Variants in LPP observed in about 807,000 individuals in gnomAD.
LPP encodes the protein LIM domain containing preferred translocation partner in lipoma.
LPP carries 38 observed loss-of-function variants against 60.4 expected under a neutral mutation model. That is an observed-to-expected ratio of 0.63 (90% CI 0.49 to 0.83). The LOEUF is 0.83. LPP is among the 40% of genes least tolerant of loss of function. The pLI is 0.00. For missense variants in LPP, 902 were observed against 783.6 expected (o/e 1.15, Z -1.80); for synonymous variants, 328 against 290.8 (o/e 1.13, Z -1.30).
rs1395764730 is a variant in LPP at position 188,889,292 on chromosome 3, G to A, written c.*14813G>A. 1.3e-5 allele frequency: 3 copies of A among 231,208 alleles called. No individual in the cohort carries two copies. Among genetic ancestry groups the A allele is most frequent in the Non-Finnish European group, 2.6e-5 (3 of 116,794 alleles). The allele number at this position is 231,208 out of a possible 1,614,324, so 14.3% of individuals were successfully genotyped here. A position where few individuals can be genotyped will look rare whatever the true frequency, so the allele number is the denominator to read the frequency against. On this transcript the variant is annotated 3_prime_UTR_variant, in exon 12 of 12. Transcript: ENST00000617246. ...GAGCAGCAGCATAGCCTAGAGTGAT[G>A]CATTCTTACCCAGAGGTGGCAATAG...
intron 7 of LPP, among the ~76,000 whole-genome samples, chr3:188,615,318 C>T (rs1844641836): frequency 6.6e-6 from 1 of 152,142 alleles, no homozygotes; most frequent in Non-Finnish European, 1.5e-5. Context: ...ATAAAATCTA[C>T]ACATCTAAAA....
chr3:188,672,808 A>G (rs1338205315), intron 7 of LPP, among the ~76,000 whole-genome samples: 1 of 152,188 alleles, frequency 6.6e-6, no homozygotes, highest in Non-Finnish European at 1.5e-5. Flanking sequence ...CTGCCAAGAC[A>G]ATAGTATGTT....
chr3:188,154,291 C>T (rs1207053326), intron 1 of LPP, among the ~76,000 whole-genome samples, 39 bp downstream of exon 1: 1 of 152,084 alleles, frequency 6.6e-6, no homozygotes, highest in Non-Finnish European at 1.5e-5. Flanking sequence ...ACCCTCCACC[C>T]GCGGGCGCCT....
At chr3:188,418,708 T>C (rs949944373) in intron 4 of LPP, among the ~76,000 whole-genome samples, 1 of 152,164 alleles carries the variant, frequency 6.6e-6, no homozygotes, top group Non-Finnish European at 1.5e-5. Context: ...TGCATGGATG[T>C]CTATGATGTA....
At position 188,321,401 on chromosome 3, in the gene LPP, A is replaced by G. The variant is rs142086799; in HGVS notation, c.-66-20262A>G. Among the ~76,000 whole-genome samples, 945 of 152,316 alleles carry G rather than the reference A, an allele frequency of 6.2e-3. 13 individuals carry two copies. The highest frequency in any genetic ancestry group is 0.022 in the African/African-American group (896 of 41,572). On this transcript the variant is annotated intron_variant, in intron 2 of 11. Transcript: ENST00000617246. ...GCTACTAGAAAATTTTAAATGGTGT[A>G]TGTGGCTCCTATGATAATTCTATTG...
chr3:188,859,790 G>C (rs1234968778), intron 9 of LPP, among the ~76,000 whole-genome samples: 1 of 152,164 alleles, frequency 6.6e-6, no homozygotes. Context: ...TTTCATAGCT[G>C]TCATCTTCAG....
At chr3:188,336,359 C>T (rs572603611) in intron 2 of LPP, among the ~76,000 whole-genome samples, 5 of 152,160 alleles carry the variant, frequency 3.3e-5, no homozygotes, top group Non-Finnish European at 7.4e-5. Flanking sequence ...ATTTGTGACT[C>T]TGAGACATTA....
intron 1 of LPP, among the ~76,000 whole-genome samples, chr3:188,172,332 C>T (rs193061415): frequency 2.4e-4 from 37 of 152,242 alleles, no homozygotes; most frequent in Admixed American, 1.5e-3. Context: ...CAACTTGTTG[C>T]TCAGTATTTT....
At chr3:188,470,374 C>T (rs2149517783) in intron 4 of LPP, among the ~76,000 whole-genome samples, 1 of 151,928 alleles carries the variant, frequency 6.6e-6, no homozygotes. Context: ...CTCAGTTTCT[C>T]AATCTTCCTT....
rs562241473 is a variant in LPP, at chr3:188,390,018, A to G, written c.-9-16094A>G. Among the ~76,000 whole-genome samples the G allele has an allele frequency of 2.6e-5, 4 of 152,278 alleles. No individual in the cohort carries two copies. The South Asian group carries it at 6.2e-4, about 24-fold the overall frequency. ...CAAGAGATAAAACTGAGAAAGTGGTAAAGTCACTTGCATAAGCCACTTTCA... is the reference window on the plus strand; with the variant it reads ...CAAGAGATAAAACTGAGAAAGTGGTGAAGTCACTTGCATAAGCCACTTTCA... On this transcript the variant is annotated intron_variant, in intron 3 of 11. Coordinates refer to ENST00000617246, the MANE Select transcript of LPP (RefSeq NM_001375462.1).
rs186903157 is a variant in LPP, at chr3:188,192,593, C to T, written c.-189-32812C>T. ...GAAGTAGGAATTTTCATTCTTCACT[C>T]ATTCTACAGGTTAAGAAATCAACTC... On this transcript the variant is annotated intron_variant, in intron 1 of 11. Coordinates refer to ENST00000617246, the MANE Select transcript of LPP (RefSeq NM_001375462.1). Among the ~76,000 whole-genome samples the T allele has an allele frequency of 3.9e-5, 6 of 152,336 alleles. No individual in the cohort carries two copies. The East Asian group carries it at 1.2e-3, about 29-fold the overall frequency.
intron 9 of LPP, among the ~76,000 whole-genome samples, chr3:188,852,406 T>G (rs932509849): frequency 6.6e-6 from 1 of 152,230 alleles, no homozygotes; most frequent in Non-Finnish European, 1.5e-5. Flanking sequence ...TGCTATAGTT[T>G]GAATGTGTCC....
At chr3:188,618,918 T>TA (rs748639914) in intron 7 of LPP, among the ~76,000 whole-genome samples, 9 of 152,276 alleles carry the variant, frequency 5.9e-5, no homozygotes, top group Non-Finnish European at 5.9e-5. Context: ...AGTTAGCTGT[T>TA]ACTTATTTTT....
intron 7 of LPP, among the ~76,000 whole-genome samples, chr3:188,643,683 G>T (rs547386298): frequency 6.6e-6 from 1 of 152,222 alleles, no homozygotes; most frequent in South Asian, 2.1e-4. Context: ...CTGTGCTCAG[G>T]CAGGTTAGGA....
intron 6 of LPP, among the ~76,000 whole-genome samples, chr3:188,573,405 A>G (rs1271549001): frequency 6.6e-6 from 1 of 152,072 alleles, no homozygotes; most frequent in Non-Finnish European, 1.5e-5. Context: ...CACCTGGATC[A>G]GCCCCAAATG....
chr3:188,392,162 ACATC>A (rs1779860432), intron 3 of LPP, among the ~76,000 whole-genome samples: 1 of 152,212 alleles, frequency 6.6e-6, no homozygotes, highest in South Asian at 2.1e-4. Flanking sequence ...ACGTTCTATT[ACATC>A]TCTACTTGTC....
At chr3:188,209,211 A>T (rs1218796584) in intron 1 of LPP, among the ~76,000 whole-genome samples, 2 of 152,184 alleles carry the variant, frequency 1.3e-5, no homozygotes, top group African/African-American at 4.8e-5. Context: ...CCTTGGGAAT[A>T]TACTTAACCT....
chr3:188,393,624 G>A lies in LPP; in HGVS notation c.-9-12488G>A, dbSNP rs192435816. Among the ~76,000 whole-genome samples, 14 of 152,286 alleles carry A rather than the reference G, an allele frequency of 9.2e-5. No individual in the cohort carries two copies. In the East Asian group the frequency reaches 2.5e-3, roughly 27 times the overall value. On this transcript the variant is annotated intron_variant, in intron 3 of 11. Coordinates refer to ENST00000617246, the MANE Select transcript of LPP (RefSeq NM_001375462.1). The stretch of plus-strand genomic sequence containing the variant: ...AGAACAGCAGGTATAAATTGGAGAT[G>A]TATGGTCATCCTAATTATACAGAGC...
chr3:188,355,616 GTAA>G (rs1767366849), intron 3 of LPP, among the ~76,000 whole-genome samples: 1 of 151,970 alleles, frequency 6.6e-6, no homozygotes, highest in Non-Finnish European at 1.5e-5. Flanking sequence ...ATATATACAA[GTAA>G]TATATAGAGT....
Sources: gnomAD v4.1 joint callset for allele counts (sites outside exome capture counted in the v4.1 genomes callset) on GRCh38, gnomAD v4.1.1 for gene constraint, MANE v1.5 for transcripts, NCBI Gene and HGNC (gene_info 2026-07-23, HGNC 2026-07-21) for gene names.